CSGALNACT2: variants seen among roughly 807,000 people sequenced by gnomAD.
CSGALNACT2 encodes chondroitin sulfate N-acetylgalactosaminyltransferase 2.
A neutral mutation model predicts 55.3 loss-of-function variants in CSGALNACT2; 35 were observed. The observed-to-expected ratio is 0.63, with a 90% CI of 0.48 to 0.84. CSGALNACT2 has a LOEUF of 0.84. Among genes scored for constraint, CSGALNACT2 ranks in the 40% least tolerant of loss-of-function variants. The pLI is 0.00. For missense variants in CSGALNACT2, 544 were observed against 657.5 expected (o/e 0.83, Z 1.89); for synonymous variants, 196 against 224.9 (o/e 0.87, Z 1.15).
chr10:43,166,671 T>C, intron 5 of CSGALNACT2, among the ~76,000 whole-genome samples: 1 of 152,314 alleles, frequency 6.6e-6, no homozygotes, highest in South Asian at 2.1e-4. Flanking sequence ...TTATCAGAGG[T>C]TAATCTACGT....
chr10:43,161,758 C>T (rs898194046), intron 4 of CSGALNACT2, among the ~76,000 whole-genome samples: 3 of 152,212 alleles, frequency 2.0e-5, no homozygotes, highest in African/African-American at 7.2e-5. Context: ...CAGTCTTTTA[C>T]TTATTCTTTG....
chr10:43,183,618 A>C lies in CSGALNACT2; in HGVS notation c.*76A>C. ...TAGCCTTACTTCTACTTCCAGATGC[A>C]GTGCCTCTTTTGGAGAAGACATGTT... On this transcript the variant is annotated 3_prime_UTR_variant, in exon 8 of 8. Coordinates refer to ENST00000374466, the MANE Select transcript of CSGALNACT2 (RefSeq NM_018590.5). 1 of 1,191,902 alleles carries C rather than the reference A, an allele frequency of 8.4e-7. No individual in the cohort carries two copies. Among genetic ancestry groups the C allele is most frequent in the Non-Finnish European group, 1.2e-6 (1 of 818,424 alleles). 73.8% of individuals were successfully genotyped at this position (1,191,902 alleles called of 1,614,324 possible).
Position 43,138,475 on chromosome 10 carries a change from G to A in CSGALNACT2, c.-346G>A, listed in dbSNP as rs1415772795. The A allele has an allele frequency of 6.6e-6, 1 of 151,014 alleles. No individual in the cohort carries two copies. The highest frequency in any genetic ancestry group is 1.9e-4 in the East Asian group (1 of 5,166). 9.4% of individuals were successfully genotyped at this position (151,014 alleles called of 1,614,324 possible). A position where few individuals can be genotyped will look rare whatever the true frequency, so the allele number is the denominator to read the frequency against. On this transcript the variant is annotated 5_prime_UTR_variant, in exon 1 of 8. Coordinates refer to ENST00000374466, the MANE Select transcript of CSGALNACT2 (RefSeq NM_018590.5). ...AGGCGCGGCGGCGCGCCCGGGGGTG[G>A]GTGGCTGAGGCGGCGGCGGGCCCAA...
intron 1 of CSGALNACT2, among the ~76,000 whole-genome samples, chr10:43,149,791 G>T (rs1838836422): frequency 6.6e-6 from 1 of 152,094 alleles, no homozygotes; most frequent in South Asian, 2.1e-4. Flanking sequence ...TGCTAGGCTG[G>T]GTGTGGTGGC....
intron 7 of CSGALNACT2, among the ~76,000 whole-genome samples, chr10:43,176,277 T>TA (rs1175544052): frequency 6.6e-6 from 1 of 152,220 alleles, no homozygotes; most frequent in Non-Finnish European, 1.5e-5. Flanking sequence ...CACCTGTTTT[T>TA]AAAAATATCT....
chr10:43,149,440 T>C (rs560911831), intron 1 of CSGALNACT2, among the ~76,000 whole-genome samples: 3 of 152,344 alleles, frequency 2.0e-5, no homozygotes, highest in Non-Finnish European at 4.4e-5. Context: ...AAATGCTTTT[T>C]CCATGTCTGT....
intron 4 of CSGALNACT2, chr10:43,162,757 C>A: frequency 2.2e-6 from 2 of 929,602 alleles, no homozygotes; most frequent in Non-Finnish European, 2.6e-6. Context: ...AATGTAGAGG[C>A]TTCTCTCCAG....
chr10:43,158,980 AC>A, intron 3 of CSGALNACT2, 49 bp downstream of exon 3: 1 of 1,126,930 alleles, frequency 8.9e-7, no homozygotes, highest in South Asian at 1.3e-5. Context: ...AAAAAAAATC[AC>A]GTTTTACTCA....
intron 1 of CSGALNACT2, among the ~76,000 whole-genome samples, chr10:43,154,576 A>G (rs1486988916): frequency 6.6e-6 from 1 of 152,162 alleles, no homozygotes; most frequent in Non-Finnish European, 1.5e-5. Flanking sequence ...AAATACAAAA[A>G]TTAGCTGGGA....
intron 4 of CSGALNACT2, chr10:43,163,495 A>G (rs998284189): frequency 4.1e-6 from 4 of 984,764 alleles, no homozygotes; most frequent in Non-Finnish European, 4.8e-6. Context: ...GACCTAACGG[A>G]TGCAAGAGGA....
rs1460684849 is a variant in CSGALNACT2, at chr10:43,183,590, A to G, written c.*48A>G. On this transcript the variant is annotated 3_prime_UTR_variant, in exon 8 of 8. Transcript: ENST00000374466. ...TATGAACCACAAAACAGCACTATTTATTTAGCCTTACTTCTACTTCCAGAT... is the reference window on the plus strand; with the variant it reads ...TATGAACCACAAAACAGCACTATTTGTTTAGCCTTACTTCTACTTCCAGAT... 6.7e-7 allele frequency: 1 copy of G among 1,498,750 alleles called. No individual in the cohort carries two copies. The highest frequency in any genetic ancestry group is 1.7e-5 in the Admixed American group (1 of 58,064). The allele number at this position is 1,498,750 out of a possible 1,614,324, so 92.8% of individuals were successfully genotyped here.
chr10:43,164,845 C>CAAA (rs762322937), intron 5 of CSGALNACT2, among the ~76,000 whole-genome samples: 1 of 68,484 alleles, frequency 1.5e-5, no homozygotes. Flanking sequence ...GACTCCATCT[C>CAAA]AAAAAAAAAA....
At chr10:43,158,680 A>C in intron 2 of CSGALNACT2, 35 bp from the exon 3 acceptor site, 1 of 1,242,566 alleles carries the variant, frequency 8.0e-7, no homozygotes, top group Non-Finnish European at 1.2e-6. Context: ...AAACTTTGAC[A>C]TGGAGACGTC....
At chr10:43,166,772 G>T (rs1839274047) in intron 5 of CSGALNACT2, among the ~76,000 whole-genome samples, 1 of 152,186 alleles carries the variant, frequency 6.6e-6, no homozygotes. Context: ...TAAACGTGAA[G>T]CACCCTTTAG....
chr10:43,167,108 T>C lies in CSGALNACT2; in HGVS notation c.1254+10T>C, dbSNP rs747623144. The C allele has an allele frequency of 2.5e-5, 39 of 1,555,716 alleles. No individual in the cohort carries two copies. Among genetic ancestry groups the C allele is most frequent in the Non-Finnish European group, 3.3e-5 (37 of 1,127,770 alleles). ...TGTGGAGCAGCAGCTGGTGAGACTT[T>C]CACATTTTCAGTTATGAAAGACTCT... On this transcript the variant is annotated intron_variant, in intron 6 of 7. Transcript: ENST00000374466.
At chr10:43,179,870 G>C (rs1283381980) in intron 7 of CSGALNACT2, among the ~76,000 whole-genome samples, 1 of 152,138 alleles carries the variant, frequency 6.6e-6, no homozygotes, top group Non-Finnish European at 1.5e-5. Context: ...ATTTTCAAGA[G>C]GCTGGAACTT....
intron 7 of CSGALNACT2, among the ~76,000 whole-genome samples, chr10:43,179,058 A>G (rs1311805748): frequency 6.6e-6 from 1 of 151,980 alleles, no homozygotes; most frequent in African/African-American, 2.4e-5. Flanking sequence ...CAGAATTTCT[A>G]TGTGGTTCTT....
chr10:43,180,861 G>C (rs538142395), intron 7 of CSGALNACT2, among the ~76,000 whole-genome samples: 6 of 152,272 alleles, frequency 3.9e-5, no homozygotes, highest in Middle Eastern at 3.4e-3. Context: ...CTCCTGGACA[G>C]GATGACTAGA....
At chr10:43,151,946 A>C (rs138715927) in intron 1 of CSGALNACT2, among the ~76,000 whole-genome samples, 65 of 152,346 alleles carry the variant, frequency 4.3e-4, no homozygotes, top group African/African-American at 1.4e-3. Flanking sequence ...GTTTCAAGAC[A>C]ACCAAAGAGA....
Sources: gnomAD v4.1 joint callset for allele counts (sites outside exome capture counted in the v4.1 genomes callset) on GRCh38, gnomAD v4.1.1 for gene constraint, MANE v1.5 for transcripts, NCBI Gene and HGNC (gene_info 2026-07-23, HGNC 2026-07-21) for gene names.